OPCML: variants seen among roughly 807,000 people sequenced by gnomAD.
OPCML encodes opioid binding protein/cell adhesion molecule like, also known as opioid-binding protein/cell adhesion molecule.
Under a neutral mutation model 37.8 loss-of-function variants are expected in OPCML, and 13 were observed. The observed-to-expected ratio is 0.34, with a 90% CI of 0.22 to 0.55. The LOEUF is 0.55. Among genes scored for constraint, OPCML ranks in the 20% least tolerant of loss-of-function variants. The probability of loss-of-function intolerance (pLI) is 0.91; values close to 1 mark genes in which losing one functional copy is unlikely to be tolerated. For missense variants in OPCML, 341 were observed against 435.6 expected (o/e 0.78, Z 1.93); for synonymous variants, 176 against 168.8 (o/e 1.04, Z -0.33).
chr11:133,483,800 G>GATGATAGATAGATAA, intron 1 of OPCML, among the ~76,000 whole-genome samples: 1 of 142,564 alleles, frequency 7.0e-6, no homozygotes, highest in Non-Finnish European at 1.5e-5. Flanking sequence ...ATAGATGATA[G>GATGATAGATAGATAA]ATAGATAGAT....
intron 2 of OPCML, among the ~76,000 whole-genome samples, chr11:132,678,073 A>G (rs1246774673): frequency 6.6e-6 from 1 of 152,236 alleles, no homozygotes; most frequent in East Asian, 1.9e-4. Flanking sequence ...ATTCATTTAT[A>G]AAAGATGTCA....
At chr11:133,278,710 G>A (rs2136501916) in intron 1 of OPCML, among the ~76,000 whole-genome samples, 1 of 151,808 alleles carries the variant, frequency 6.6e-6, no homozygotes, top group Non-Finnish European at 1.5e-5. Flanking sequence ...AATACAAGTA[G>A]CAACAAACCT....
intron 1 of OPCML, among the ~76,000 whole-genome samples, chr11:133,521,215 T>C (rs1050862005): frequency 6.6e-6 from 1 of 152,160 alleles, no homozygotes; most frequent in African/African-American, 2.4e-5. Flanking sequence ...AAAACAGTTC[T>C]TTTGGATTTT....
chr11:132,986,468 A>T (rs1249033103), intron 1 of OPCML, among the ~76,000 whole-genome samples: 1 of 152,232 alleles, frequency 6.6e-6, no homozygotes, highest in Admixed American at 6.5e-5. Context: ...ACTTAGGACC[A>T]TCTCAGGATC....
intron 1 of OPCML, among the ~76,000 whole-genome samples, chr11:133,286,941 T>G (rs1380608709): frequency 6.6e-6 from 1 of 152,170 alleles, no homozygotes; most frequent in Non-Finnish European, 1.5e-5. Flanking sequence ...CTGAGAGAAT[T>G]AAAGGGCAAG....
At chr11:133,156,206 T>G (rs1361858341) in intron 1 of OPCML, among the ~76,000 whole-genome samples, 4 of 152,176 alleles carry the variant, frequency 2.6e-5, no homozygotes, top group Non-Finnish European at 5.9e-5. Context: ...CCTTATCTAA[T>G]CCCCACCCTC....
intron 1 of OPCML, among the ~76,000 whole-genome samples, chr11:133,034,694 A>T (rs1337081329): frequency 6.6e-6 from 1 of 152,130 alleles, no homozygotes; most frequent in Non-Finnish European, 1.5e-5. Flanking sequence ...AGACGCAAGG[A>T]ACATTTAGAA....
chr11:132,475,607 A>C (rs902595839), intron 4 of OPCML, among the ~76,000 whole-genome samples: 3 of 152,192 alleles, frequency 2.0e-5, no homozygotes, highest in Non-Finnish European at 4.4e-5. Context: ...GCAAGAGGGC[A>C]GCCATCTGCA....
At chr11:133,158,142 G>A (rs1950088141) in intron 1 of OPCML, among the ~76,000 whole-genome samples, 1 of 152,168 alleles carries the variant, frequency 6.6e-6, no homozygotes, top group African/African-American at 2.4e-5. Flanking sequence ...TCTATTTGGG[G>A]CTTTACCGAC....
intron 1 of OPCML, among the ~76,000 whole-genome samples, chr11:133,200,033 G>A (rs558121971): frequency 5.9e-5 from 9 of 152,140 alleles, no homozygotes; most frequent in East Asian, 5.8e-4. Flanking sequence ...CACACGTCCC[G>A]CCCTCCATCC....
At chr11:133,179,587 T>A (rs904456753) in intron 1 of OPCML, among the ~76,000 whole-genome samples, 1 of 152,098 alleles carries the variant, frequency 6.6e-6, no homozygotes, top group Admixed American at 6.5e-5. Context: ...AAATACAGGA[T>A]ACTGAGAGGT....
chr11:132,451,985 G>T (rs756843829), intron 4 of OPCML, among the ~76,000 whole-genome samples: 1 of 152,064 alleles, frequency 6.6e-6, no homozygotes, highest in Non-Finnish European at 1.5e-5. Flanking sequence ...CCCCTAAACC[G>T]CTTTGCTCCC....
At position 133,369,711 on chromosome 11, in the gene OPCML, T is replaced by G. The variant is rs558250148; in HGVS notation, c.61+162553A>C. The stretch of plus-strand genomic sequence containing the variant: ...GTACCATTCACCATACACACACACA[T>G]ACACACACACTCACACACATACCCA... On this transcript the variant is annotated intron_variant, in intron 1 of 7. Transcript: ENST00000524381. Among the ~76,000 whole-genome samples, 5 of 151,936 alleles carry G rather than the reference T, an allele frequency of 3.3e-5. No homozygotes were observed. In the East Asian group the frequency reaches 9.7e-4, roughly 29 times the overall value.
At chr11:133,456,487 T>A (rs552830732) in intron 1 of OPCML, among the ~76,000 whole-genome samples, 1 of 149,064 alleles carries the variant, frequency 6.7e-6, no homozygotes, top group Non-Finnish European at 1.5e-5. Context: ...AAAAAAAAAA[T>A]GGCAAAATAT....
At chr11:132,616,023 C>G (rs1427153093) in intron 3 of OPCML, among the ~76,000 whole-genome samples, 1 of 152,138 alleles carries the variant, frequency 6.6e-6, no homozygotes, top group Admixed American at 6.5e-5. Context: ...ACCTGGTTTT[C>G]CCAACACCTA....
Position 133,373,424 on chromosome 11 carries a change from A to AATATATATATATATATATATAT in OPCML, c.61+158818_61+158839dup, listed in dbSNP as rs57417327. ...CTAAAAAAGTTAATTACTTAATTAAAATATATATATATATATATATATATA... is the reference window on the plus strand; with the variant it reads ...CTAAAAAAGTTAATTACTTAATTAAAATATATATATATATATATATATATATATATATATATATATATATATA... On this transcript the variant is annotated intron_variant, in intron 1 of 7. Coordinates refer to ENST00000524381, the MANE Select transcript of OPCML (RefSeq NM_001012393.5). 4.4e-3 allele frequency among the ~76,000 whole-genome samples: 520 copies of AATATATATATATATATATATAT among 117,538 alleles called. 4 individuals carry two copies. Among genetic ancestry groups the AATATATATATATATATATATAT allele is most frequent in the Admixed American group, 0.011 (112 of 10,078 alleles). The allele number at this position is 117,538 out of a possible 152,430, so 77.1% of individuals were successfully genotyped here. A position where few individuals can be genotyped will look rare whatever the true frequency, so the allele number is the denominator to read the frequency against.
intron 2 of OPCML, among the ~76,000 whole-genome samples, chr11:132,857,767 T>C (rs1942117198): frequency 6.6e-6 from 1 of 152,226 alleles, no homozygotes; most frequent in African/African-American, 2.4e-5. Context: ...GTTGCTATTT[T>C]TCAAAGAATT....
At chr11:133,114,963 TTCTA>T (rs759967234) in intron 1 of OPCML, among the ~76,000 whole-genome samples, 5 of 152,226 alleles carry the variant, frequency 3.3e-5, no homozygotes, top group Non-Finnish European at 5.9e-5. Flanking sequence ...TTTCTTTCAG[TTCTA>T]TCTTTTATCT....
chr11:132,853,625 T>C (rs576938688), intron 2 of OPCML, among the ~76,000 whole-genome samples: 1 of 152,192 alleles, frequency 6.6e-6, no homozygotes, highest in Non-Finnish European at 1.5e-5. Context: ...TCCCACAGCC[T>C]TAAGCCTCTA....
Sources: allele counts gnomAD v4.1 joint callset (sites outside exome capture counted in the v4.1 genomes callset), GRCh38; gene constraint gnomAD v4.1.1; transcripts MANE v1.5; gene names NCBI Gene and HGNC (gene_info 2026-07-23, HGNC 2026-07-21).